The following LIPH variants were observed in gnomAD, a reference collection of about 807,000 sequenced individuals.
LIPH encodes the protein lipase member H.
In LIPH, 32 loss-of-function variants were observed where a neutral mutation model predicts 47.6. That is an observed-to-expected ratio of 0.67 (90% confidence interval 0.51 to 0.90). LIPH has a LOEUF of 0.90. Among genes scored for constraint, LIPH ranks in the 40% least tolerant of loss-of-function variants. The probability of loss-of-function intolerance (pLI) is 0.00; values close to 1 mark genes in which losing one functional copy is unlikely to be tolerated. For synonymous variants in LIPH, 190 were observed against 195.6 expected (o/e 0.97, Z 0.24); for missense variants, 497 against 541.4 (o/e 0.92, Z 0.81).
chr3:185,522,710 T>A (rs1719946290), intron 5 of LIPH, among the ~76,000 whole-genome samples: 2 of 133,952 alleles, frequency 1.5e-5, no homozygotes, highest in Non-Finnish European at 3.4e-5. Context: ...AAGGTGGCCG[T>A]CATATTCTGT....
chr3:185,545,079 G>C (rs957793282), intron 1 of LIPH, among the ~76,000 whole-genome samples: 7 of 152,150 alleles, frequency 4.6e-5, no homozygotes, highest in African/African-American at 1.7e-4. Context: ...CATATAACCA[G>C]TGACCACAGA....
chr3:185,530,207 A>C (rs1720292702), intron 3 of LIPH, among the ~76,000 whole-genome samples: 1 of 151,980 alleles, frequency 6.6e-6, no homozygotes. Flanking sequence ...GGCTGGGCAC[A>C]GTGGCTCATG....
intron 1 of LIPH, 138 bp downstream of exon 1, chr3:185,552,285 C>T (rs1339953097): frequency 5.6e-6 from 3 of 537,340 alleles, no homozygotes; most frequent in African/African-American, 2.0e-5. Flanking sequence ...ATGATACAGG[C>T]TTCCTATATC....
rs781091196 is a variant in LIPH at position 185,526,489 on chromosome 3, C to A, written c.628+995G>T. Among the ~76,000 whole-genome samples, 3 of 149,668 alleles carry A rather than the reference C, an allele frequency of 2.0e-5. No homozygotes were observed. The East Asian group carries it at 5.9e-4, about 29-fold the overall frequency. On this transcript the variant is annotated intron_variant, in intron 4 of 9. Coordinates refer to ENST00000296252, the MANE Select transcript of LIPH (RefSeq NM_139248.3). ...CAAGCCAAGATCACGCCACTGCACT[C>A]CAGCCTGGGTGGCAGGAGTGAAACT... is the stretch of plus-strand genomic sequence containing the variant.
chr3:185,511,398 G>T, intron 9 of LIPH, 126 bp downstream of exon 9: 1 of 911,392 alleles, frequency 1.1e-6, no homozygotes. Flanking sequence ...ACTATTTTTG[G>T]AAAACCCATC....
rs1453533600 is a variant in LIPH, at chr3:185,511,541, G to C, written c.1251C>G (p.Ser417=). ...CAGCTCACCTCTCCGGATGGGCAAG[G>C]GACCTTAACTTCATTCGGAGAATCC... ...KLRILRMKLR[S]LAHPERPQLC... The change falls in exon 9 of 10, where the codon TCC becomes TCG. Residue 417 remains serine (S), a synonymous_variant. Transcript: ENST00000296252. 2.5e-6 allele frequency: 4 copies of C among 1,613,920 alleles called. No homozygotes were observed. The highest frequency in any genetic ancestry group is 1.3e-5 in the African/African-American group (1 of 74,876).
chr3:185,552,535 G>GC lies in LIPH; in HGVS notation c.-65_-64insG. The stretch of plus-strand genomic sequence containing the variant: ...TGATTTACTTCGCAGAGGCTTAAGA[G>GC]TTTCCACTGTGGGATTTTGCTCACA... On this transcript the variant is annotated 5_prime_UTR_variant, in exon 1 of 10. Coordinates refer to ENST00000296252, the MANE Select transcript of LIPH (RefSeq NM_139248.3). 8.5e-7 allele frequency: 1 copy of GC among 1,181,216 alleles called. No individual in the cohort carries two copies. Among genetic ancestry groups the GC allele is most frequent in the South Asian group, 1.2e-5 (1 of 82,014 alleles). The allele number at this position is 1,181,216 out of a possible 1,614,324, so 73.2% of individuals were successfully genotyped here.
At chr3:185,526,583 G>GATAAA (rs10588006) in intron 4 of LIPH, among the ~76,000 whole-genome samples, 2 of 122,470 alleles carry the variant, frequency 1.6e-5, no homozygotes, top group Non-Finnish European at 3.4e-5. Context: ...ATAAAAATAA[G>GATAAA]ATAAAATAAA....
chr3:185,516,489 T>C (rs141475428), intron 7 of LIPH, among the ~76,000 whole-genome samples: 1 of 152,250 alleles, frequency 6.6e-6, no homozygotes, highest in East Asian at 1.9e-4. Context: ...TGAAAATGGG[T>C]ACAAGACTGT....
At chr3:185,544,344 T>TG (rs59173004) in intron 1 of LIPH, among the ~76,000 whole-genome samples, 1 of 151,702 alleles carries the variant, frequency 6.6e-6, no homozygotes, top group African/African-American at 2.4e-5. Context: ...CTGTTGTTTT[T>TG]TTTTGTTTTG....
intron 1 of LIPH, 98 bp downstream of exon 1, chr3:185,552,325 A>G: frequency 1.2e-6 from 1 of 827,390 alleles, no homozygotes; most frequent in South Asian, 1.4e-5. Context: ...CTATGGACTT[A>G]AGTTCACCGA....
intron 1 of LIPH, among the ~76,000 whole-genome samples, chr3:185,544,997 G>A (rs1281385170): frequency 6.7e-6 from 1 of 148,958 alleles, no homozygotes; most frequent in Non-Finnish European, 1.5e-5. Context: ...CCTTCAGAAA[G>A]CAAAATCCTT....
rs999569151 is a variant in LIPH, at chr3:185,547,934, G to A, written c.49+4489C>T. 3.9e-5 allele frequency among the ~76,000 whole-genome samples: 6 copies of A among 152,132 alleles called. No homozygotes were observed. In the East Asian group the frequency reaches 1.2e-3, roughly 29 times the overall value. On this transcript the variant is annotated intron_variant, in intron 1 of 9. Coordinates refer to ENST00000296252, the MANE Select transcript of LIPH (RefSeq NM_139248.3). ...TGCATGCTTGGCAATGGATGTTACT[G>A]TCTGGGATACAAGCTCATTACACGT...
chr3:185,535,449 G>A (rs1720475711), intron 1 of LIPH, among the ~76,000 whole-genome samples: 1 of 152,038 alleles, frequency 6.6e-6, no homozygotes, highest in Non-Finnish European at 1.5e-5. Flanking sequence ...GCTAATTTGT[G>A]TATTTTTTGA....
intron 1 of LIPH, 113 bp from the exon 2 acceptor site, chr3:185,535,245 C>T: frequency 1.6e-6 from 2 of 1,267,002 alleles, no homozygotes; most frequent in Non-Finnish European, 2.3e-6. Flanking sequence ...TAGGACCTGG[C>T]TAAGGGCTGG....
At chr3:185,525,880 C>G (rs369850348) in intron 4 of LIPH, among the ~76,000 whole-genome samples, 1 of 152,092 alleles carries the variant, frequency 6.6e-6, no homozygotes, top group Non-Finnish European at 1.5e-5. Flanking sequence ...ACCAGAATGC[C>G]GATGAGAGAT....
chr3:185,513,058 G>A (rs953272765), intron 8 of LIPH, among the ~76,000 whole-genome samples: 9 of 152,196 alleles, frequency 5.9e-5, no homozygotes, highest in Non-Finnish European at 1.3e-4. Context: ...AAACAGTGAT[G>A]GAAGCCGGGC....
intron 4 of LIPH, among the ~76,000 whole-genome samples, chr3:185,526,931 T>C (rs536472302): frequency 5.9e-5 from 9 of 152,242 alleles, no homozygotes; most frequent in Admixed American, 2.0e-4. Flanking sequence ...CTGTCCTTCA[T>C]TGAGCATGAT....
At chr3:185,519,094 A>T in intron 6 of LIPH, 48 bp downstream of exon 6, 1 of 1,538,496 alleles carries the variant, frequency 6.5e-7, no homozygotes, top group South Asian at 1.1e-5. Context: ...ATTCATACCA[A>T]AAATTAGTTC....
Sources: gnomAD v4.1 joint callset for allele counts (sites outside exome capture counted in the v4.1 genomes callset) on GRCh38, gnomAD v4.1.1 for gene constraint, MANE v1.5 for transcripts, NCBI Gene and HGNC (gene_info 2026-07-23, HGNC 2026-07-21) for gene names.